Variants in AKAP6 observed in about 807,000 individuals in gnomAD.
AKAP6 encodes A-kinase anchoring protein 6, also known as A-kinase anchor protein 6.
AKAP6 carries 58 observed loss-of-function variants against 188.5 expected under a neutral mutation model. The ratio of observed to expected loss-of-function variants is 0.31; its 90% CI spans 0.25 to 0.38. AKAP6 has a LOEUF of 0.38. Among genes scored for constraint, AKAP6 ranks in the 10% least tolerant of loss-of-function variants. The pLI, the probability that AKAP6 is intolerant of heterozygous loss-of-function variation, is 1.00. For synonymous variants in AKAP6, 989 were observed against 998.6 expected, an observed-to-expected ratio of 0.99 and a Z score of 0.18; for missense variants, 2,710 against 2,740.0, an observed-to-expected ratio of 0.99 and a Z score of 0.24.
intron 2 of AKAP6, among the ~76,000 whole-genome samples, chr14:32,532,336 C>A (rs78255680): frequency 0.014 from 2,078 of 152,222 alleles, 52 homozygotes; most frequent in African/African-American, 0.048. Flanking sequence ...CCTTAGGGGT[C>A]CATCTGCTTC....
At position 32,396,759 on chromosome 14, in the gene AKAP6, G is replaced by A. The variant is rs552520850; in HGVS notation, c.-34-36701G>A. ...GGGTGAAGTTAACCCTCAGAAGAGG[G>A]CAGAATTAATGGAATTTGGGGGAAA... On this transcript the variant is annotated intron_variant, in intron 1 of 13. Transcript: ENST00000280979. Among the ~76,000 whole-genome samples, 8 of 152,210 alleles carry A rather than the reference G, an allele frequency of 5.3e-5. No homozygotes were observed. The South Asian group carries it at 1.7e-3, about 32-fold the overall frequency.
intron 2 of AKAP6, among the ~76,000 whole-genome samples, chr14:32,504,069 T>C (rs1004724980): frequency 4.6e-5 from 7 of 151,982 alleles, no homozygotes; most frequent in African/African-American, 1.7e-4. Flanking sequence ...AATAATATAT[T>C]TTATTATTCA....
At chr14:32,479,044 T>G (rs1879208798) in intron 2 of AKAP6, among the ~76,000 whole-genome samples, 1 of 152,134 alleles carries the variant, frequency 6.6e-6, no homozygotes, top group Non-Finnish European at 1.5e-5. Context: ...GAAAAGGAAT[T>G]CCATTGACTC....
intron 7 of AKAP6, among the ~76,000 whole-genome samples, chr14:32,645,129 G>C (rs1887931012): frequency 2.0e-5 from 3 of 152,086 alleles, no homozygotes; most frequent in South Asian, 4.1e-4. Context: ...ATAGGGACCT[G>C]ATCTTAAAAG....
intron 1 of AKAP6, among the ~76,000 whole-genome samples, chr14:32,388,076 G>A (rs553726169): frequency 2.6e-4 from 40 of 151,898 alleles, no homozygotes; most frequent in Non-Finnish European, 5.3e-4. Flanking sequence ...AAGCTAGGAG[G>A]GTTGTAGCTT....
At chr14:32,723,815 C>T (rs1053795796) in intron 9 of AKAP6, among the ~76,000 whole-genome samples, 1 of 152,072 alleles carries the variant, frequency 6.6e-6, no homozygotes, top group Non-Finnish European at 1.5e-5. Flanking sequence ...AAATAGTTCT[C>T]TTTTTTATGA....
chr14:32,400,442 T>C (rs1022572860), intron 1 of AKAP6, among the ~76,000 whole-genome samples: 2 of 151,610 alleles, frequency 1.3e-5, no homozygotes, highest in Non-Finnish European at 2.9e-5. Context: ...GTTGGGACTT[T>C]GAGGGTTTCA....
chr14:32,589,455 A>T (rs1885389430), intron 5 of AKAP6, among the ~76,000 whole-genome samples: 1 of 152,192 alleles, frequency 6.6e-6, no homozygotes, highest in Non-Finnish European at 1.5e-5. Flanking sequence ...TGAGGTTGGT[A>T]TGTGGGAATG....
At chr14:32,727,034 C>T (rs1594886680) in intron 9 of AKAP6, among the ~76,000 whole-genome samples, 1 of 151,986 alleles carries the variant, frequency 6.6e-6, no homozygotes, top group East Asian at 1.9e-4. Context: ...ACAAAGGCTT[C>T]AGAAGGATAT....
intron 11 of AKAP6, among the ~76,000 whole-genome samples, chr14:32,749,899 G>A (rs889323336): frequency 1.3e-5 from 2 of 152,146 alleles, no homozygotes; most frequent in African/African-American, 4.8e-5. Flanking sequence ...GAGGCTTATA[G>A]TATATCCTTG....
rs1309495878 is a variant in AKAP6 at position 32,568,017 on chromosome 14, A to G, written c.2347-9103A>G. Among the ~76,000 whole-genome samples, 1 of 152,146 alleles carries G rather than the reference A, an allele frequency of 6.6e-6. No individual in the cohort carries two copies. Among genetic ancestry groups the G allele is most frequent in the Non-Finnish European group, 1.5e-5 (1 of 68,014 alleles). ...GGGGCTGGAGAAGAGGAAAGAGAAA[A>G]AAGAGGCAAAACAACAATAGTCAAG... is the stretch of plus-strand genomic sequence containing the variant. On this transcript the variant is annotated intron_variant, in intron 4 of 13. Transcript: ENST00000280979. This position sits in a 1 kb window ranked among gnomAD's most constrained non-coding sequence, Gnocchi z 6.2.
At chr14:32,556,535 GT>G (rs781719651) in intron 4 of AKAP6, among the ~76,000 whole-genome samples, 5 of 151,982 alleles carry the variant, frequency 3.3e-5, no homozygotes, top group Non-Finnish European at 7.4e-5. Context: ...TAGAGGCAGG[GT>G]TTTACTCTGT....
chr14:32,395,534 A>G (rs112683029), intron 1 of AKAP6, among the ~76,000 whole-genome samples: 3,114 of 152,240 alleles, frequency 0.02, 107 homozygotes, highest in African/African-American at 0.07. Flanking sequence ...ACTCGCCCTT[A>G]TGCTAGTTTT....
At chr14:32,376,534 TAAAC>T (rs775112917) in intron 1 of AKAP6, among the ~76,000 whole-genome samples, 14 of 152,250 alleles carry the variant, frequency 9.2e-5, no homozygotes, top group Non-Finnish European at 1.9e-4. Flanking sequence ...ATTGAATAAA[TAAAC>T]AAAATGGATA....
At chr14:32,609,312 A>G (rs1886253774) in intron 7 of AKAP6, among the ~76,000 whole-genome samples, 1 of 152,212 alleles carries the variant, frequency 6.6e-6, no homozygotes, top group South Asian at 2.1e-4. Context: ...GAATATACCC[A>G]TTTATGTGGT....
chr14:32,518,867 A>G (rs1360907159), intron 2 of AKAP6, among the ~76,000 whole-genome samples: 3 of 152,204 alleles, frequency 2.0e-5, no homozygotes, highest in African/African-American at 7.2e-5. Context: ...ACTCCTTGAG[A>G]AGAGAAACTC....
chr14:32,686,920 T>A (rs1405901575), intron 8 of AKAP6, among the ~76,000 whole-genome samples: 1 of 152,114 alleles, frequency 6.6e-6, no homozygotes, highest in East Asian at 1.9e-4. Context: ...GAGATACAGT[T>A]GAGGTTTATG....
At chr14:32,666,658 A>C (rs1888950755) in intron 7 of AKAP6, among the ~76,000 whole-genome samples, 1 of 152,074 alleles carries the variant, frequency 6.6e-6, no homozygotes, top group African/African-American at 2.4e-5. Context: ...TTTAATTTAT[A>C]AGGAACCATC....
Position 32,568,299 on chromosome 14 carries a change from C to T in AKAP6, c.2347-8821C>T, listed in dbSNP as rs1884296266. On this transcript the variant is annotated intron_variant, in intron 4 of 13. Transcript: ENST00000280979. The surrounding 1 kb of genome is among the most constrained non-coding windows in gnomAD (Gnocchi z 6.2). ...ACCCTGGAACAAAACTATTTAATAA[C>T]CACTTAATAGCTATAGGACCTTAAA... is the stretch of plus-strand genomic sequence containing the variant. Among the ~76,000 whole-genome samples the T allele has an allele frequency of 6.6e-6, 1 of 152,146 alleles. No individual in the cohort carries two copies. The highest frequency in any genetic ancestry group is 1.5e-5 in the Non-Finnish European group (1 of 68,016).
Sources: allele counts gnomAD v4.1 joint callset (sites outside exome capture counted in the v4.1 genomes callset), GRCh38; gene constraint gnomAD v4.1.1; non-coding constraint Gnocchi (gnomAD v3.1); transcripts MANE v1.5; gene names NCBI Gene and HGNC (gene_info 2026-07-23, HGNC 2026-07-21).